The following TSPAN11 variants were observed in gnomAD, a reference collection of about 807,000 sequenced individuals.
TSPAN11 encodes tetraspanin 11, also known as tetraspanin-11.
TSPAN11 carries 29 observed loss-of-function variants against 32.9 expected under a neutral mutation model. The ratio of observed to expected loss-of-function variants is 0.88; its 90% CI spans 0.66 to 1.20. The LOEUF (loss-of-function observed/expected upper bound fraction) is 1.20, where lower values mean the gene tolerates loss of function less well. Ranked by LOEUF, TSPAN11 falls within the 50% of genes most tolerant of loss-of-function variation. The pLI is 0.00. For missense variants in TSPAN11, 283 were observed against 329.1 expected, an observed-to-expected ratio of 0.86 and a Z score of 1.08; for synonymous variants, 140 against 141.3, an observed-to-expected ratio of 0.99 and a Z score of 0.07.
At chr12:30,985,713 A>G (rs904730989) in intron 7 of TSPAN11, among the ~76,000 whole-genome samples, 2 of 152,176 alleles carry the variant, frequency 1.3e-5, no homozygotes, top group African/African-American at 2.4e-5. Flanking sequence ...GAGCCTGTAG[A>G]AGCTGCAGAC....
intron 1 of TSPAN11, among the ~76,000 whole-genome samples, chr12:30,948,097 A>C (rs191602005): frequency 2.0e-5 from 3 of 152,338 alleles, no homozygotes; most frequent in African/African-American, 7.2e-5. Context: ...CTTTGACTCC[A>C]GCTCTCACAT....
In TSPAN11 at chr12:30,992,987, A is replaced by G. The variant is rs1171349462; in HGVS notation, c.*1072A>G. 3 of 152,192 alleles carry G rather than the reference A, an allele frequency of 2.0e-5. No homozygotes were observed. Among genetic ancestry groups the G allele is most frequent in the African/African-American group, 7.2e-5 (3 of 41,426 alleles). 9.4% of individuals were successfully genotyped at this position (152,192 alleles called of 1,614,324 possible). On this transcript the variant is annotated 3_prime_UTR_variant, in exon 8 of 8. Transcript: ENST00000546076. ...TCCTTGGGTTCTCTCTTGCATCACT[A>G]AGTTCAGCAGGGAATTTGCGGAATT...
intron 1 of TSPAN11, among the ~76,000 whole-genome samples, chr12:30,931,077 T>G (rs1463157166): frequency 6.6e-6 from 1 of 152,208 alleles, no homozygotes; most frequent in Non-Finnish European, 1.5e-5. Context: ...TAGGGGACCC[T>G]CCTTGATGGT....
rs1464121463 is a variant in TSPAN11 at position 30,975,039 on chromosome 12, G to T, written c.277-3522G>T. 6.6e-6 allele frequency among the ~76,000 whole-genome samples: 1 copy of T among 152,242 alleles called. No homozygotes were observed. Among genetic ancestry groups the T allele is most frequent in the Non-Finnish European group, 1.5e-5 (1 of 68,034 alleles). On this transcript the variant is annotated intron_variant, in intron 3 of 7. Transcript: ENST00000546076. The surrounding 1 kb of genome is among the most constrained non-coding windows in gnomAD (Gnocchi z 4.5). ...ACCAGCATTCCAGGCAGGGGGACAG[G>T]CAGGGCAAAGGCCCAAAGGCTGGAC...
chr12:30,969,469 G>A (rs1042698763), intron 3 of TSPAN11, among the ~76,000 whole-genome samples: 1 of 152,214 alleles, frequency 6.6e-6, no homozygotes, highest in Non-Finnish European at 1.5e-5. Context: ...CTTATGCAGT[G>A]CAGGCAGGGG....
rs752795998 is a variant in TSPAN11 at position 30,982,706 on chromosome 12, C to G, written c.615+16C>G. 2 of 1,541,292 alleles carry G rather than the reference C, an allele frequency of 1.3e-6. No individual in the cohort carries two copies. The highest frequency in any genetic ancestry group is 1.8e-6 in the Non-Finnish European group (2 of 1,138,252). On this transcript the variant is annotated intron_variant, in intron 6 of 7. Coordinates refer to ENST00000546076, the MANE Select transcript of TSPAN11 (RefSeq NM_001370302.1). ...TAAGGTGGAGGTGAGCACCCAAGCT[C>G]AAGTTGGGGGTGAGGAGAGGGCCCT...
chr12:30,987,170 C>T (rs1939216187), intron 7 of TSPAN11, among the ~76,000 whole-genome samples: 1 of 152,122 alleles, frequency 6.6e-6, no homozygotes, highest in African/African-American at 2.4e-5. Context: ...AGGGTGCTGC[C>T]CACAAAGATG....
At chr12:30,927,191 G>A (rs995407809) in intron 1 of TSPAN11, among the ~76,000 whole-genome samples, 1 of 152,222 alleles carries the variant, frequency 6.6e-6, no homozygotes, top group Admixed American at 6.5e-5. Context: ...TCGAGTAGCT[G>A]CCTCTCATGG....
chr12:31,002,951 G>A, the TSPAN11 span, among the ~76,000 whole-genome samples: 1 of 152,162 alleles, frequency 6.6e-6, no homozygotes, highest in African/African-American at 2.4e-5. This position sits in a 1 kb window ranked among gnomAD's most constrained non-coding sequence, Gnocchi z 4.8. Context: ...TTTGCACCCT[G>A]ACACCCACTG....
At chr12:30,967,255 C>T (rs1369741642) in intron 3 of TSPAN11, among the ~76,000 whole-genome samples, 2 of 152,238 alleles carry the variant, frequency 1.3e-5, no homozygotes, top group Non-Finnish European at 2.9e-5. Flanking sequence ...GCCTCTGTGT[C>T]TCAACCTGGC....
chr12:30,973,668 G>A (rs959531738), intron 3 of TSPAN11, among the ~76,000 whole-genome samples: 7 of 152,238 alleles, frequency 4.6e-5, no homozygotes, highest in South Asian at 2.1e-4. Context: ...TTGGTGGAGC[G>A]GGGGCCCTCT....
At chr12:30,944,454 T>C (rs1423033345) in intron 1 of TSPAN11, among the ~76,000 whole-genome samples, 2 of 152,196 alleles carry the variant, frequency 1.3e-5, no homozygotes, top group African/African-American at 2.4e-5. Context: ...AGATTTCACA[T>C]GTGAGTAAGA....
At chr12:30,926,913 C>G in intron 1 of TSPAN11, 117 bp downstream of exon 1, 2 of 1,281,926 alleles carry the variant, frequency 1.6e-6, no homozygotes, top group South Asian at 1.2e-5. Context: ...TAGACTGTCC[C>G]GAGCTTCCCC....
At chr12:30,982,443 T>G in intron 5 of TSPAN11, 89 bp from the exon 6 acceptor site, 1 of 1,471,550 alleles carries the variant, frequency 6.8e-7, no homozygotes, top group Non-Finnish European at 9.1e-7. Context: ...CAAATAGGGG[T>G]TGGGTTAGTA....
At chr12:30,957,235 C>A (rs1007503314) in intron 2 of TSPAN11, among the ~76,000 whole-genome samples, 17 of 146,852 alleles carry the variant, frequency 1.2e-4, no homozygotes, top group African/African-American at 3.9e-4. Flanking sequence ...GGGACCCCCC[C>A]CCCCCCCACA....
At chr12:30,985,279 G>A (rs1939178936) in intron 7 of TSPAN11, among the ~76,000 whole-genome samples, 1 of 151,968 alleles carries the variant, frequency 6.6e-6, no homozygotes, top group Non-Finnish European at 1.5e-5. Context: ...CCTGGTGGTG[G>A]GAATTAGCAA....
the TSPAN11 span, among the ~76,000 whole-genome samples, chr12:31,009,162 C>T: frequency 6.6e-6 from 1 of 152,246 alleles, no homozygotes; most frequent in African/African-American, 2.4e-5. Flanking sequence ...ATGCGCCTTC[C>T]ACACCTCTGC....
rs531427668 is a variant in TSPAN11, at chr12:30,989,808, G to A, written c.703-2048G>A. On this transcript the variant is annotated intron_variant, in intron 7 of 7. Coordinates refer to ENST00000546076, the MANE Select transcript of TSPAN11 (RefSeq NM_001370302.1). ...TGCTCTCTGCTGACAGCCAGGTGCTGACTCAGAAGCCTCAGAGGAAGCTGA... is the reference window on the plus strand; with the variant it reads ...TGCTCTCTGCTGACAGCCAGGTGCTAACTCAGAAGCCTCAGAGGAAGCTGA... Among the ~76,000 whole-genome samples, 141 of 152,346 alleles carry A rather than the reference G, an allele frequency of 9.3e-4. 3 individuals carry two copies. In the South Asian group the frequency reaches 0.02, roughly 22 times the overall value.
the TSPAN11 span, among the ~76,000 whole-genome samples, chr12:31,013,967 A>G: frequency 6.6e-6 from 1 of 152,234 alleles, no homozygotes; most frequent in African/African-American, 2.4e-5. Flanking sequence ...TCTCATTAAA[A>G]TCTATATTGA....
Sources: allele counts gnomAD v4.1 joint callset (sites outside exome capture counted in the v4.1 genomes callset), GRCh38; gene constraint gnomAD v4.1.1; non-coding constraint Gnocchi (gnomAD v3.1); transcripts MANE v1.5; gene names NCBI Gene and HGNC (gene_info 2026-07-23, HGNC 2026-07-21).